The following CACNA2D2 variants were observed in gnomAD, a reference collection of about 807,000 sequenced individuals.
CACNA2D2 encodes the protein voltage-dependent calcium channel subunit alpha-2/delta-2.
In CACNA2D2, 48 loss-of-function variants were observed where a neutral mutation model predicts 166.4. The ratio of observed to expected loss-of-function variants is 0.29; its 90% CI spans 0.23 to 0.37. The LOEUF (loss-of-function observed/expected upper bound fraction) is 0.37. Ranked by LOEUF, CACNA2D2 falls within the 10% of genes least tolerant of loss-of-function variation. The pLI, the probability that CACNA2D2 is intolerant of heterozygous loss-of-function variation, is 1.00. For synonymous variants in CACNA2D2, 561 were observed against 573.7 expected, an observed-to-expected ratio of 0.98 and a Z score of 0.32; for missense variants, 1,122 against 1,433.0, an observed-to-expected ratio of 0.78 and a Z score of 3.50.
intron 3 of CACNA2D2, among the ~76,000 whole-genome samples, chr3:50,416,528 GT>G (rs1707271841): frequency 6.6e-6 from 1 of 152,214 alleles, no homozygotes; most frequent in African/African-American, 2.4e-5. Flanking sequence ...GGGCTCCAGG[GT>G]GCCCCCCTGA....
At chr3:50,489,099 C>G (rs1698412817) in intron 1 of CACNA2D2, among the ~76,000 whole-genome samples, 1 of 152,230 alleles carries the variant, frequency 6.6e-6, no homozygotes, top group Non-Finnish European at 1.5e-5. Flanking sequence ...GGCTGAATGA[C>G]TGGATGTTCC....
At chr3:50,476,887 C>T (rs1229829563) in intron 1 of CACNA2D2, among the ~76,000 whole-genome samples, 1 of 152,110 alleles carries the variant, frequency 6.6e-6, no homozygotes, top group Non-Finnish European at 1.5e-5. Context: ...GCAGGTCTCC[C>T]TCACACTGGT....
Position 50,366,046 on chromosome 3 carries a change from C to T in CACNA2D2, c.2827G>A (p.Gly943Ser). ...CCCCGGGGTGCAGCACCCAGGTTGC[C>T]AGGGGGCTGAGGGGCACAGGCTGCC... is the stretch of plus-strand genomic sequence containing the variant. ...YQAACAPQPP[G>S]NLGAAPRGVF... is the part of the protein sequence containing the mutation. Residue 943 changes from glycine (G) to serine (S), a missense_variant, in exon 32 of 38, where the codon GGC (glycine) becomes AGC (serine). This residue lies in a region of CACNA2D2 where 282 missense variants were observed against 266.2 expected (regional missense o/e 1.06). Coordinates refer to ENST00000424201, the MANE Select transcript of CACNA2D2 (RefSeq NM_006030.4). The surrounding 1 kb of genome is among the most constrained non-coding windows in gnomAD (Gnocchi z 5.9). 1.2e-6 allele frequency: 2 copies of T among 1,613,422 alleles called. No individual in the cohort carries two copies. Among genetic ancestry groups the T allele is most frequent in the African/African-American group, 1.3e-5 (1 of 75,028 alleles).
intron 3 of CACNA2D2, among the ~76,000 whole-genome samples, chr3:50,394,593 C>T (rs536725207): frequency 6.8e-4 from 103 of 152,324 alleles, no homozygotes; most frequent in African/African-American, 2.3e-3. Flanking sequence ...CAGGAGGGGC[C>T]CACAGCCCAC....
At chr3:50,387,678 C>T in intron 4 of CACNA2D2, 66 bp from the exon 5 acceptor site, 1 of 1,267,656 alleles carries the variant, frequency 7.9e-7, no homozygotes, top group East Asian at 2.3e-5. Flanking sequence ...GACTCCTAGC[C>T]CCAAGGCCTG....
chr3:50,438,017 C>G (rs989466088), intron 2 of CACNA2D2, among the ~76,000 whole-genome samples: 7 of 152,222 alleles, frequency 4.6e-5, no homozygotes, highest in Non-Finnish European at 8.8e-5. Context: ...TGCCCCAGCT[C>G]TGTGCCAGCA....
intron 1 of CACNA2D2, among the ~76,000 whole-genome samples, chr3:50,496,232 C>T (rs957606053): frequency 1.3e-5 from 2 of 152,208 alleles, no homozygotes; most frequent in Admixed American, 1.3e-4. Context: ...AGCACATGCC[C>T]GCATTTGACT....
chr3:50,377,490 T>C lies in CACNA2D2; in HGVS notation c.1603A>G (p.Lys535Glu), dbSNP rs1397655545. Residue 535 changes from lysine (K) to glutamate (E), a missense_variant, in exon 17 of 38, where the codon AAG becomes GAG. By Grantham distance (56) the Lys-to-Glu change is moderately conservative. Around this residue, in one of 2 missense-constraint regions of CACNA2D2, gnomAD observed 840 missense variants for 1,166.8 expected, o/e 0.72. Transcript: ENST00000424201. ...MGIDVALNDI[K>E]RLTPNYTLGA... ...ACCGTGTAGTTGGGGGTCAGCCTCTTGATGTCATTCAGAGCCACGTCAATG... is the reference window on the plus strand; with the variant it reads ...ACCGTGTAGTTGGGGGTCAGCCTCTCGATGTCATTCAGAGCCACGTCAATG... The C allele has an allele frequency of 1.9e-6, 3 of 1,613,062 alleles. No homozygotes were observed. The highest frequency in any genetic ancestry group is 2.5e-6 in the Non-Finnish European group (3 of 1,179,966).
At position 50,365,872 on chromosome 3, in the gene CACNA2D2, A is replaced by G; in HGVS notation, c.2863-10T>C. 1 of 1,613,032 alleles carries G rather than the reference A, an allele frequency of 6.2e-7. No homozygotes were observed. Among genetic ancestry groups the G allele is most frequent in the Non-Finnish European group, 8.5e-7 (1 of 1,179,980 alleles). ...AATCTGCAACGGTGGGCTGCAGTGG[A>G]GAGAGGGGCGTGGACTGCCACTGCT... On this transcript the variant is annotated splice_polypyrimidine_tract_variant and intron_variant, in intron 32 of 37. Coordinates refer to ENST00000424201, the MANE Select transcript of CACNA2D2 (RefSeq NM_006030.4). The surrounding 1 kb of genome is among the most constrained non-coding windows in gnomAD (Gnocchi z 4.5).
chr3:50,442,918 A>G (rs1319447664), intron 2 of CACNA2D2, among the ~76,000 whole-genome samples: 1 of 152,182 alleles, frequency 6.6e-6, no homozygotes, highest in East Asian at 1.9e-4. Context: ...CAATTCTGGC[A>G]CAGCACAGCC....
intron 1 of CACNA2D2, among the ~76,000 whole-genome samples, chr3:50,501,719 T>C (rs1698971605): frequency 6.6e-6 from 1 of 152,184 alleles, no homozygotes; most frequent in Admixed American, 6.5e-5. Flanking sequence ...TAATTGTGGC[T>C]TGGCTCGTGC....
rs927713126 is a variant in CACNA2D2, at chr3:50,379,355, C to T, written c.1152+77G>A. 2.1e-5 allele frequency: 33 copies of T among 1,554,772 alleles called. No homozygotes were observed. Among genetic ancestry groups the T allele is most frequent in the African/African-American group, 2.7e-5 (2 of 73,674 alleles). ...CCTGTTTGGTGCTAACGAGGCCATC[C>T]GTCTTGATTTCCTGGGTACACCAAG... is the stretch of plus-strand genomic sequence containing the variant. On this transcript the variant is annotated intron_variant, in intron 11 of 37. Coordinates refer to ENST00000424201, the MANE Select transcript of CACNA2D2 (RefSeq NM_006030.4). The surrounding 1 kb of genome is among the most constrained non-coding windows in gnomAD (Gnocchi z 6.5).
intron 1 of CACNA2D2, among the ~76,000 whole-genome samples, chr3:50,488,691 G>GTT (rs942446229): frequency 2.7e-5 from 4 of 145,574 alleles, no homozygotes; most frequent in Admixed American, 6.9e-5. Flanking sequence ...TTTTCCTGGT[G>GTT]TTTTTTTTTT....
intron 6 of CACNA2D2, among the ~76,000 whole-genome samples, chr3:50,383,148 T>C (rs1705418206): frequency 6.6e-6 from 1 of 152,140 alleles, no homozygotes; most frequent in Non-Finnish European, 1.5e-5. Flanking sequence ...TGGCTCCTGT[T>C]TTAATTAGTG....
At chr3:50,468,898 G>A (rs776466340) in intron 2 of CACNA2D2, among the ~76,000 whole-genome samples, 2 of 148,728 alleles carry the variant, frequency 1.3e-5, no homozygotes, top group African/African-American at 2.5e-5. Flanking sequence ...GAGCGATCTC[G>A]GCTCACTGCA....
chr3:50,442,714 T>C (rs1296504886), intron 2 of CACNA2D2, among the ~76,000 whole-genome samples: 1 of 152,196 alleles, frequency 6.6e-6, no homozygotes, highest in African/African-American at 2.4e-5. Context: ...CCATTGGTTC[T>C]GGGTGTGCTG....
At chr3:50,462,686 G>A (rs1709645175) in intron 2 of CACNA2D2, among the ~76,000 whole-genome samples, 1 of 151,864 alleles carries the variant, frequency 6.6e-6, no homozygotes, top group Non-Finnish European at 1.5e-5. Context: ...CAATCAAGAA[G>A]TAGCGACATA....
rs190955184 is a variant in CACNA2D2, at chr3:50,496,296, T to G, written c.206+6922A>C. ...TGCTGCCTACACACGAGAATGCCCA[T>G]GCACACACATCTACACACATGCATC... On this transcript the variant is annotated intron_variant, in intron 1 of 37. Transcript: ENST00000424201. Among the ~76,000 whole-genome samples the G allele has an allele frequency of 3.9e-3, 595 of 151,576 alleles. 9 individuals carry two copies. The highest frequency in any genetic ancestry group is 5.1e-3 in the Non-Finnish European group (349 of 67,848).
chr3:50,420,189 TAAGAG>T (rs1357760854), intron 3 of CACNA2D2, among the ~76,000 whole-genome samples: 2 of 152,188 alleles, frequency 1.3e-5, no homozygotes, highest in Non-Finnish European at 2.9e-5. Flanking sequence ...GGAGTCGCAG[TAAGAG>T]AAGGAGGGGA....
Sources: allele counts gnomAD v4.1 joint callset (sites outside exome capture counted in the v4.1 genomes callset), GRCh38; gene constraint gnomAD v4.1.1; regional missense constraint gnomAD v4.1.1; non-coding constraint Gnocchi (gnomAD v3.1); transcripts MANE v1.5; gene names NCBI Gene and HGNC (gene_info 2026-07-23, HGNC 2026-07-21).